The following UCP3 variants were observed in gnomAD, a reference collection of about 807,000 sequenced individuals.
The protein encoded by UCP3 is uncoupling protein 3, also known as putative mitochondrial transporter UCP3.
Under a neutral mutation model 28.1 loss-of-function variants are expected in UCP3, and 24 were observed. That is an observed-to-expected ratio of 0.85 (90% confidence interval 0.62 to 1.20). UCP3 has a LOEUF of 1.20. Ranked by LOEUF, UCP3 falls within the 50% of genes most tolerant of loss-of-function variation. UCP3 has a pLI of 0.00. For synonymous variants in UCP3, 184 were observed against 171.2 expected, an observed-to-expected ratio of 1.07 and a Z score of -0.59; for missense variants, 397 against 422.2, an observed-to-expected ratio of 0.94 and a Z score of 0.52.
chr11:74,003,754 A>C, intron 6 of UCP3, 73 bp downstream of exon 6: 1 of 1,516,604 alleles, frequency 6.6e-7, no homozygotes, highest in Non-Finnish European at 8.8e-7. Flanking sequence ...AGGTTGACCC[A>C]CGGTAGCCAC....
Position 74,005,805 on chromosome 11 carries a change from C to A in UCP3, c.466G>T (p.Asp156Tyr), listed in dbSNP as rs758805473. Reference sequence around the variant, plus strand: ...TCCATAGTCCCGCTGTATTTTCTGTCGCTCCTGGATGGCCCGAGGTGTATG... The same window carrying A: ...TCCATAGTCCCGCTGTATTTTCTGTAGCTCCTGGATGGCCCGAGGTGTATG... The part of the protein sequence containing the change: ...ASIHLGPSRS[D>Y]RKYSGTMDAY... The change falls in exon 4 of 7, where the codon GAC becomes TAC. Residue 156 changes from aspartate to tyrosine, a missense_variant. Coordinates refer to ENST00000314032, the MANE Select transcript of UCP3 (RefSeq NM_003356.4). 2.5e-6 allele frequency: 4 copies of A among 1,614,194 alleles called. No individual in the cohort carries two copies. The highest frequency in any genetic ancestry group is 2.5e-6 in the Non-Finnish European group (3 of 1,180,038).
At chr11:74,001,800 T>C (rs771621999) in intron 6 of UCP3, 1 of 414,242 alleles carries the variant, frequency 2.4e-6, no homozygotes, top group South Asian at 2.4e-5. Context: ...GGCAGCCATG[T>C]TGCTGCCAGG....
At chr11:74,004,644 G>T in intron 4 of UCP3, 59 bp from the exon 5 acceptor site, 1 of 1,511,982 alleles carries the variant, frequency 6.6e-7, no homozygotes, top group South Asian at 1.2e-5. Context: ...AATGGGAAAT[G>T]GGAGAAATGG....
At chr11:74,002,666 A>G in intron 6 of UCP3, 1 of 831,578 alleles carries the variant, frequency 1.2e-6, no homozygotes, top group South Asian at 5.5e-5. Flanking sequence ...GGCACCTACA[A>G]GATGCTCCAG....
chr11:74,002,142 C>T lies in UCP3; in HGVS notation c.825-616G>A, dbSNP rs189449740. 672 of 155,308 alleles carry T rather than the reference C, an allele frequency of 4.3e-3. 16 individuals carry two copies. Among genetic ancestry groups the T allele is most frequent in the Non-Finnish European group, 8.5e-4 (60 of 70,230 alleles). The allele number at this position is 155,308 out of a possible 1,614,324, so 9.6% of individuals were successfully genotyped here. A position where few individuals can be genotyped will look rare whatever the true frequency, so the allele number is the denominator to read the frequency against. On this transcript the variant is annotated intron_variant, in intron 6 of 6. Transcript: ENST00000314032. ...GGCCCCTGCCCCTCTCTCAGCCTGT[C>T]CCTCCACTAACCACCTCCTGGGCCC...
chr11:74,001,735 C>A (rs1591233353), intron 6 of UCP3: 1 of 551,102 alleles, frequency 1.8e-6, no homozygotes. Flanking sequence ...GAAAAAAAAA[C>A]TCACGTTTTG....
In UCP3 at chr11:74,008,039, G is replaced by A. The variant is rs1015180386; in HGVS notation, c.-95-902C>T. Among the ~76,000 whole-genome samples the A allele has an allele frequency of 2.6e-5, 4 of 152,300 alleles. 1 individual carries two copies. Among genetic ancestry groups the A allele is most frequent in the African/African-American group, 9.6e-5 (4 of 41,562 alleles). On this transcript the variant is annotated intron_variant, in intron 1 of 6. Transcript: ENST00000314032. ...CTGGTTGCTTCTTGCACCAGATACC[G>A]TGCTGAGGGCTTTACAGACACTGAC...
intron 6 of UCP3, 184 bp downstream of exon 6, chr11:74,003,643 C>T: frequency 7.0e-7 from 1 of 1,423,162 alleles, no homozygotes; most frequent in Non-Finnish European, 9.1e-7. Context: ...CTTCCCTAAC[C>T]CTCCCCATCA....
rs368371995 is a variant in UCP3, at chr11:74,005,711, G to A, written c.541+19C>T. 30 of 1,613,494 alleles carry A rather than the reference G, an allele frequency of 1.9e-5. No homozygotes were observed. Among genetic ancestry groups the A allele is most frequent in the Middle Eastern group, 1.6e-4 (1 of 6,082 alleles). On this transcript the variant is annotated intron_variant, in intron 4 of 6. Transcript: ENST00000314032. Reference sequence around the variant, plus strand: ...GAAAGCTCTGCCTAAGACCGCCTGCGTCCAGAGTCCAGACCTACCTTTCCA... The same window carrying A: ...GAAAGCTCTGCCTAAGACCGCCTGCATCCAGAGTCCAGACCTACCTTTCCA...
In UCP3 at chr11:74,003,129, G is replaced by T. The variant is rs560211425; in HGVS notation, c.824+698C>A. 2.0e-5 allele frequency among the ~76,000 whole-genome samples: 3 copies of T among 152,266 alleles called. No homozygotes were observed. In the South Asian group the frequency reaches 6.2e-4, roughly 32 times the overall value. On this transcript the variant is annotated intron_variant, in intron 6 of 6. Coordinates refer to ENST00000314032, the MANE Select transcript of UCP3 (RefSeq NM_003356.4). ...CTCAGCACGAGGCCTAATATAGAGT[G>T]ACTTAGCTATTGTGATAATCATAAA...
At position 74,006,195 on chromosome 11, in the gene UCP3, T is replaced by C; in HGVS notation, c.311A>G (p.Gln104Arg). 2.5e-6 allele frequency: 4 copies of C among 1,614,172 alleles called. No individual in the cohort carries two copies. The highest frequency in any genetic ancestry group is 3.4e-6 in the Non-Finnish European group (4 of 1,180,030). The change falls in exon 3 of 7, where the codon CAG becomes CGG. Residue 104 changes from glutamine (Q) to arginine (R), a missense_variant. Transcript: ENST00000314032. ...GTCCGCGCCTTTGGGGGTGTACACC[T>C]GCTTGACGGAGTCATAGAGGCCGAT... ...IRIGLYDSVK[Q>R]VYTPKGADNS...
At position 74,001,526 on chromosome 11, in the gene UCP3, T is replaced by A. The variant is rs1335976799; in HGVS notation, c.825A>T (p.Gly275=). The change falls in exon 7 of 7, where the codon GGA becomes GGT. Residue 275 remains glycine, a splice_region_variant and synonymous_variant. Coordinates refer to ENST00000314032, the MANE Select transcript of UCP3 (RefSeq NM_003356.4). ...CCAAACGCAAAAAGGAGGGTGTAAA[T>A]CTGATAAGAAAAACAACCAACACAT... ...AQEGPTAFYK[G]FTPSFLRLGS... 6.2e-7 allele frequency: 1 copy of A among 1,613,920 alleles called. No homozygotes were observed.
In UCP3 at chr11:74,007,066, C is replaced by T. The variant is rs756938226; in HGVS notation, c.-24G>A. ...ATAGTCCTGGAAGGCTCTGCCCAGTCCCTTTAGGGCCGAGAGGAGGTCCAA... is the reference window on the plus strand; with the variant it reads ...ATAGTCCTGGAAGGCTCTGCCCAGTTCCTTTAGGGCCGAGAGGAGGTCCAA... On this transcript the variant is annotated 5_prime_UTR_variant, in exon 2 of 7. Transcript: ENST00000314032. The T allele has an allele frequency of 2.5e-6, 4 of 1,612,882 alleles. No homozygotes were observed. Among genetic ancestry groups the T allele is most frequent in the Non-Finnish European group, 3.4e-6 (4 of 1,179,838 alleles).
Position 74,008,968 on chromosome 11 carries a change from G to A in UCP3, c.-96+10C>T, listed in dbSNP as rs1462156678. 6.6e-6 allele frequency: 1 copy of A among 152,426 alleles called. No homozygotes were observed. Among genetic ancestry groups the A allele is most frequent in the Non-Finnish European group, 1.5e-5 (1 of 68,186 alleles). The allele number at this position is 152,426 out of a possible 1,614,324, so 9.4% of individuals were successfully genotyped here. A position where few individuals can be genotyped will look rare whatever the true frequency, so the allele number is the denominator to read the frequency against. ...AGGGGAAGGGATGAGGGAGGAGAAA[G>A]GGGTCTTACCTGTGAGTCCTGCCAC... On this transcript the variant is annotated intron_variant, in intron 1 of 6. Coordinates refer to ENST00000314032, the MANE Select transcript of UCP3 (RefSeq NM_003356.4).
chr11:74,008,230 G>T (rs1951681395), intron 1 of UCP3, among the ~76,000 whole-genome samples: 1 of 152,132 alleles, frequency 6.6e-6, no homozygotes, highest in Non-Finnish European at 1.5e-5. Flanking sequence ...CTGTTTCACT[G>T]CCCAGAGAGT....
Position 74,005,701 on chromosome 11 carries a change from G to C in UCP3, c.541+29C>G, listed in dbSNP as rs762865817. 2.9e-5 allele frequency: 47 copies of C among 1,612,784 alleles called. No individual in the cohort carries two copies. In the South Asian group the frequency reaches 4.8e-4, roughly 17 times the overall value. ...TGAGGGGAGGGAAAGCTCTGCCTAA[G>C]ACCGCCTGCGTCCAGAGTCCAGACC... On this transcript the variant is annotated intron_variant, in intron 4 of 6. Transcript: ENST00000314032.
At chr11:74,005,168 G>A (rs983137670) in intron 4 of UCP3, among the ~76,000 whole-genome samples, 2 of 149,136 alleles carry the variant, frequency 1.3e-5, no homozygotes, top group Non-Finnish European at 2.9e-5. Flanking sequence ...TGCATTCATC[G>A]CAGTGGCTGC....
chr11:74,001,526 T>C lies in UCP3; in HGVS notation c.825A>G (p.Gly275=). 1 of 1,613,920 alleles carries C rather than the reference T, an allele frequency of 6.2e-7. No homozygotes were observed. Among genetic ancestry groups the C allele is most frequent in the Non-Finnish European group, 8.5e-7 (1 of 1,179,980 alleles). ...AQEGPTAFYK[G]FTPSFLRLGS... is the part of the protein sequence containing the mutation. Reference sequence around the variant, plus strand: ...CCAAACGCAAAAAGGAGGGTGTAAATCTGATAAGAAAAACAACCAACACAT... The same window carrying C: ...CCAAACGCAAAAAGGAGGGTGTAAACCTGATAAGAAAAACAACCAACACAT... The change falls in exon 7 of 7, where the codon GGA becomes GGG. Residue 275 remains glycine (G), a splice_region_variant and synonymous_variant. Coordinates refer to ENST00000314032, the MANE Select transcript of UCP3 (RefSeq NM_003356.4).
rs1415512203 is a variant in UCP3 at position 74,006,387 on chromosome 11, A to T, written c.127-8T>A. 1.3e-6 allele frequency: 2 copies of T among 1,549,906 alleles called. No homozygotes were observed. The highest frequency in any genetic ancestry group is 1.7e-6 in the Non-Finnish European group (2 of 1,152,338). The stretch of plus-strand genomic sequence containing the variant: ...CTGGTTCTCCCCCTGGATCTGAGGG[A>T]CAATAGCAGGGGGTGAGGACTCAGA... On this transcript the variant is annotated splice_polypyrimidine_tract_variant and splice_region_variant and intron_variant, in intron 2 of 6. Coordinates refer to ENST00000314032, the MANE Select transcript of UCP3 (RefSeq NM_003356.4).
Sources: gnomAD v4.1 joint callset for allele counts (sites outside exome capture counted in the v4.1 genomes callset) on GRCh38, gnomAD v4.1.1 for gene constraint, MANE v1.5 for transcripts, NCBI Gene and HGNC (gene_info 2026-07-23, HGNC 2026-07-21) for gene names.